SHLD1: variants seen among roughly 807,000 people sequenced by gnomAD.
The protein encoded by SHLD1 is RINN1-REV7-interacting novel NHEJ regulator 3.
Under a neutral mutation model 5.5 loss-of-function variants are expected in SHLD1, and 3 were observed. That is an observed-to-expected ratio of 0.54 (90% CI 0.25 to 1.40). The LOEUF is 1.40. Ranked by LOEUF, SHLD1 falls within the 40% of genes most tolerant of loss-of-function variation. The pLI, the probability that SHLD1 is intolerant of heterozygous loss-of-function variation, is 0.15. For synonymous variants in SHLD1, 92 were observed against 94.3 expected (o/e 0.98, Z 0.14); for missense variants, 210 against 244.4 (o/e 0.86, Z 0.94).
chr20:5,769,060 C>T (rs1163099170), intron 1 of SHLD1, among the ~76,000 whole-genome samples: 2 of 152,172 alleles, frequency 1.3e-5, no homozygotes, highest in East Asian at 3.9e-4. Flanking sequence ...CACATGCCAC[C>T]ATACTTGGCT....
In SHLD1 at chr20:5,843,360, TC is replaced by T. The variant is rs368467538; in HGVS notation, c.179-19663del. Among the ~76,000 whole-genome samples the T allele has an allele frequency of 1.5e-4, 23 of 151,632 alleles. 1 individual carries two copies. In the South Asian group the frequency reaches 3.8e-3, roughly 25 times the overall value. On this transcript the variant is annotated intron_variant, in intron 2 of 2. Transcript: ENST00000303142. ...TCTTGGGGCAGATATTTCTTTTTTTTCTCTCTCTCTCTACCCAGAGCCAAGG... is the reference window on the plus strand; with the variant it reads ...TCTTGGGGCAGATATTTCTTTTTTTTTCTCTCTCTCTACCCAGAGCCAAGG...
At chr20:5,807,472 G>A (rs1055895786) in intron 2 of SHLD1, among the ~76,000 whole-genome samples, 13 of 151,844 alleles carry the variant, frequency 8.6e-5, no homozygotes, top group African/African-American at 3.1e-4. Flanking sequence ...CTGGGCTCAA[G>A]CCATCCTCCT....
intron 2 of SHLD1, among the ~76,000 whole-genome samples, chr20:5,801,512 A>C (rs1361290504): frequency 2.0e-5 from 3 of 152,220 alleles, no homozygotes; most frequent in Non-Finnish European, 4.4e-5. Context: ...ATTGCTCAGG[A>C]CTACTTACGT....
intron 2 of SHLD1, among the ~76,000 whole-genome samples, chr20:5,797,572 G>C (rs2087231378): frequency 6.6e-6 from 1 of 151,986 alleles, no homozygotes; most frequent in African/African-American, 2.4e-5. Context: ...CAAAAAAGAA[G>C]AAGAAGAATA....
At chr20:5,772,658 T>C (rs763407786) in intron 1 of SHLD1, among the ~76,000 whole-genome samples, 4 of 152,104 alleles carry the variant, frequency 2.6e-5, no homozygotes, top group Non-Finnish European at 5.9e-5. Flanking sequence ...ACACCTATAA[T>C]CCCATCACTT....
intron 2 of SHLD1, among the ~76,000 whole-genome samples, chr20:5,796,904 A>T (rs1438747940): frequency 6.6e-6 from 1 of 151,990 alleles, no homozygotes; most frequent in Non-Finnish European, 1.5e-5. Context: ...ACAGTTTTAG[A>T]CTGTAAATCG....
At chr20:5,811,151 G>A (rs1015679277) in intron 2 of SHLD1, among the ~76,000 whole-genome samples, 1 of 152,146 alleles carries the variant, frequency 6.6e-6, no homozygotes, top group African/African-American at 2.4e-5. Flanking sequence ...AGCCAGGCAG[G>A]AAAAGGCTTA....
intron 2 of SHLD1, among the ~76,000 whole-genome samples, chr20:5,830,228 C>T (rs947134221): frequency 2.0e-5 from 3 of 152,138 alleles, no homozygotes; most frequent in Admixed American, 2.0e-4. Flanking sequence ...TATACATGCC[C>T]TTTATCAGAT....
rs79881438 is a variant in SHLD1, at chr20:5,806,856, A to G, written c.178+33813A>G. Reference sequence around the variant, plus strand: ...TGATGGTTGCCAGCCCTCTGTCACCACCCTCTCCACTAGAATGCCATGTAT... The same window carrying G: ...TGATGGTTGCCAGCCCTCTGTCACCGCCCTCTCCACTAGAATGCCATGTAT... On this transcript the variant is annotated intron_variant, in intron 2 of 2. Coordinates refer to ENST00000303142, the MANE Select transcript of SHLD1 (RefSeq NM_152504.4). The surrounding 1 kb of genome is among the most constrained non-coding windows in gnomAD (Gnocchi z 7.6). Among the ~76,000 whole-genome samples the G allele has an allele frequency of 0.02, 3,024 of 152,292 alleles. 103 individuals are homozygous for G. Among genetic ancestry groups the G allele is most frequent in the African/African-American group, 0.069 (2,861 of 41,550 alleles).
At chr20:5,792,324 G>T (rs890433483) in intron 2 of SHLD1, among the ~76,000 whole-genome samples, 1 of 151,976 alleles carries the variant, frequency 6.6e-6, no homozygotes, top group Non-Finnish European at 1.5e-5. Context: ...TAGTTTTAGG[G>T]CTTATGTTTA....
intron 2 of SHLD1, among the ~76,000 whole-genome samples, chr20:5,837,985 GA>G (rs898634398): frequency 2.0e-5 from 3 of 151,724 alleles, no homozygotes; most frequent in African/African-American, 7.3e-5. Flanking sequence ...GGCAAAGACG[GA>G]AAAAAAATAC....
chr20:5,846,084 A>G (rs902596534), intron 2 of SHLD1, among the ~76,000 whole-genome samples: 2 of 152,246 alleles, frequency 1.3e-5, no homozygotes, highest in Non-Finnish European at 2.9e-5. Context: ...CTCATCTATT[A>G]CAGATGTTAC....
intron 2 of SHLD1, among the ~76,000 whole-genome samples, chr20:5,803,086 TCAATCCAGCATTCCTGAAGACCAG>T (rs1208688221): frequency 6.6e-6 from 1 of 152,220 alleles, no homozygotes; most frequent in Non-Finnish European, 1.5e-5. Context: ...GGGCCGTATT[TCAATCCAGCATTCCTGAAGACCAG>T]GGGGCCTTGT....
intron 2 of SHLD1, among the ~76,000 whole-genome samples, chr20:5,852,955 CATTT>C (rs1273606926): frequency 2.0e-5 from 3 of 152,146 alleles, no homozygotes; most frequent in Admixed American, 6.5e-5. Flanking sequence ...TTGTTTCATT[CATTT>C]GTTTATTCAT....
chr20:5,796,187 C>T (rs1320141041), intron 2 of SHLD1, among the ~76,000 whole-genome samples: 1 of 152,048 alleles, frequency 6.6e-6, no homozygotes, highest in Non-Finnish European at 1.5e-5. Context: ...AGCAATAATC[C>T]AAATTTTAAT....
intron 1 of SHLD1, among the ~76,000 whole-genome samples, chr20:5,767,572 C>G (rs886204825): frequency 6.6e-6 from 1 of 152,178 alleles, no homozygotes; most frequent in Admixed American, 6.5e-5. Context: ...CCACTGCAGG[C>G]GAATGAATTC....
intron 2 of SHLD1, among the ~76,000 whole-genome samples, chr20:5,856,544 C>T (rs779883711): frequency 1.1e-4 from 16 of 152,174 alleles, no homozygotes; most frequent in Non-Finnish European, 1.9e-4. Flanking sequence ...GATCCATGGC[C>T]CATGGCCCCT....
At chr20:5,857,449 A>C (rs2088103290) in intron 2 of SHLD1, among the ~76,000 whole-genome samples, 1 of 152,166 alleles carries the variant, frequency 6.6e-6, no homozygotes. Flanking sequence ...CAAGCAGCAT[A>C]GAAGGAAACC....
At chr20:5,825,993 G>A (rs903095023) in intron 2 of SHLD1, among the ~76,000 whole-genome samples, 1 of 152,152 alleles carries the variant, frequency 6.6e-6, no homozygotes, top group African/African-American at 2.4e-5. Context: ...AGAGCCCCTT[G>A]GCCCACAGGA....
Sources: allele counts gnomAD v4.1 joint callset (sites outside exome capture counted in the v4.1 genomes callset), GRCh38; gene constraint gnomAD v4.1.1; non-coding constraint Gnocchi (gnomAD v3.1); transcripts MANE v1.5; gene names NCBI Gene and HGNC (gene_info 2026-07-23, HGNC 2026-07-21).